Variants in SHANK1 observed in about 807,000 individuals in gnomAD.
The protein encoded by SHANK1 is SH3 and multiple ankyrin repeat domains protein 1.
In SHANK1, 35 loss-of-function variants were observed where a neutral mutation model predicts 165.6. That is an observed-to-expected ratio of 0.21 (90% confidence interval 0.16 to 0.28). The LOEUF is 0.28. Ranked by LOEUF, SHANK1 falls within the 10% of genes least tolerant of loss-of-function variation. The pLI is 1.00. For missense variants in SHANK1, 2,681 were observed against 3,036.4 expected, an observed-to-expected ratio of 0.88 and a Z score of 2.75; for synonymous variants, 1,428 against 1,384.8, an observed-to-expected ratio of 1.03 and a Z score of -0.69.
At chr19:50,707,891 CTTTTCTTTTCTTTTCTTT>C (rs1253918675) in intron 8 of SHANK1, among the ~76,000 whole-genome samples, 1 of 5,688 alleles carries the variant, frequency 1.8e-4, no homozygotes, top group Non-Finnish European at 3.3e-4. Flanking sequence ...CTTTTCTTTT[CTTTTCTTTTCTTTTCTTT>C]TCTTTTCTTT....
At position 50,667,565 on chromosome 19, in the gene SHANK1, C is replaced by T; in HGVS notation, c.4395G>A (p.Glu1465=). Residue 1465 remains glutamate, a synonymous_variant, in exon 23 of 24, where the codon GAG becomes GAA. Transcript: ENST00000293441. The surrounding 1 kb of genome is among the most constrained non-coding windows in gnomAD (Gnocchi z 5.7). ...TTACTCCGGGGTGCGGGGCCGGGGG[C>T]TCCGTCCCCAGCTGCAGCAGGAGGG... ...VGPLLLQLGT[E]PPAPHPGVSK... is the part of the protein sequence containing the mutation. 1 of 1,455,524 alleles carries T rather than the reference C, an allele frequency of 6.9e-7. No homozygotes were observed. Among genetic ancestry groups the T allele is most frequent in the Non-Finnish European group, 9.0e-7 (1 of 1,115,862 alleles). The allele number at this position is 1,455,524 out of a possible 1,614,324, so 90.2% of individuals were successfully genotyped here.
chr19:50,668,804 G>A lies in SHANK1; in HGVS notation c.3156C>T (p.Gly1052=). The change falls in exon 23 of 24, where the codon GGC becomes GGT. Residue 1052 remains glycine (G), a synonymous_variant. Coordinates refer to ENST00000293441, the MANE Select transcript of SHANK1 (RefSeq NM_016148.5). ...GPQPSLRGWR[G]GGPSPTPGAP... is the part of the protein sequence containing the mutation. ...CCCCCGGGGTCGGGCTGGGCCCGCCGCCCCTCCAGCCTCGCAGGCTGGGCT... is the reference window on the plus strand; with the variant it reads ...CCCCCGGGGTCGGGCTGGGCCCGCCACCCCTCCAGCCTCGCAGGCTGGGCT... 2 of 1,267,618 alleles carry A rather than the reference G, an allele frequency of 1.6e-6. No homozygotes were observed. Among genetic ancestry groups the A allele is most frequent in the Non-Finnish European group, 2.0e-6 (2 of 1,012,106 alleles). The allele number at this position is 1,267,618 out of a possible 1,614,324, so 78.5% of individuals were successfully genotyped here.
Position 50,668,693 on chromosome 19 carries a change from CG to C in SHANK1, c.3266del (p.Pro1089ArgfsTer254), listed in dbSNP as rs1401996113. ...CGTACATGGCTGCGCTGGCCGCCCGCGGGGGCAGCTGGAAATAGCGTAGAGC... is the reference window on the plus strand; with the variant it reads ...CGTACATGGCTGCGCTGGCCGCCCGCGGGGCAGCTGGAAATAGCGTAGAGC... Reference protein sequence around the residue: ...GPALRYFQLPPRAASAAMYVP... With the variant: ...GPALRYFQLPXRAASAAMYVP... On this transcript the variant is annotated frameshift_variant, in exon 23 of 24. Coordinates refer to ENST00000293441, the MANE Select transcript of SHANK1 (RefSeq NM_016148.5). LOFTEE classifies it high-confidence loss of function. 6.1e-6 allele frequency: 8 copies of C among 1,302,332 alleles called. No individual in the cohort carries two copies. Among genetic ancestry groups the C allele is most frequent in the South Asian group, 4.7e-5 (2 of 42,142 alleles). The allele number at this position is 1,302,332 out of a possible 1,614,324, so 80.7% of individuals were successfully genotyped here.
intron 21 of SHANK1, among the ~76,000 whole-genome samples, chr19:50,677,368 C>T (rs1986015893): frequency 6.6e-6 from 1 of 152,090 alleles, no homozygotes; most frequent in African/African-American, 2.4e-5. Context: ...CCTCAGGTGA[C>T]CCACCCACCT....
Position 50,716,741 on chromosome 19 carries a change from C to T in SHANK1, c.179G>A (p.Arg60His), listed in dbSNP as rs376765376. The T allele has an allele frequency of 4.7e-5, 76 of 1,608,290 alleles. No individual in the cohort carries two copies. Among genetic ancestry groups the T allele is most frequent in the Admixed American group, 1.7e-4 (10 of 58,674 alleles). Residue 60 changes from arginine (R) to histidine (H), a missense_variant, in exon 2 of 24, where the codon CGC becomes CAC. Arg to His is a conservative substitution (Grantham distance 29, BLOSUM62 0). Around this residue, in one of 10 missense-constraint regions of SHANK1, gnomAD observed 118 missense variants for 106.9 expected, o/e 1.10. Transcript: ENST00000293441. The surrounding 1 kb of genome is among the most constrained non-coding windows in gnomAD (Gnocchi z 8.4). ...SLASVRGLQG[R>H]SMSVPDDAHF... ...GGCGTCGTCTGGGACGGACATTGAGCGGCCCTGGAGGCCTCTAACAGAGGC... is the reference window on the plus strand; with the variant it reads ...GGCGTCGTCTGGGACGGACATTGAGTGGCCCTGGAGGCCTCTAACAGAGGC...
In SHANK1 at chr19:50,686,329, C is replaced by A; in HGVS notation, c.2485G>T (p.Ala829Ser). The A allele has an allele frequency of 1.2e-6, 2 of 1,603,562 alleles. No homozygotes were observed. The highest frequency in any genetic ancestry group is 1.7e-6 in the Non-Finnish European group (2 of 1,174,622). ...LNKLDEILAA[A>S]QQTISASESP... ...TCGCTTGCACTGATGGTCTGTTGAG[C>A]TGCGGCCAGGATTTCGTCCAGTTTG... is the stretch of plus-strand genomic sequence containing the variant. Residue 829 changes from alanine (A) to serine (S), a missense_variant, in exon 21 of 24, where the codon GCT becomes TCT. Coordinates refer to ENST00000293441, the MANE Select transcript of SHANK1 (RefSeq NM_016148.5). The surrounding 1 kb of genome is among the most constrained non-coding windows in gnomAD (Gnocchi z 5.7).
chr19:50,661,113 G>T lies in SHANK1; in HGVS notation c.*852C>A, dbSNP rs1228453396. ...GTGCAAGGGCTGAGCAAAGAGCAGG[G>T]CACTCCAGAGAATGAATGATGTGCA... On this transcript the variant is annotated 3_prime_UTR_variant, in exon 24 of 24. Coordinates refer to ENST00000293441, the MANE Select transcript of SHANK1 (RefSeq NM_016148.5). Among the ~76,000 whole-genome samples the T allele has an allele frequency of 5.9e-5, 9 of 152,102 alleles. No individual in the cohort carries two copies.
chr19:50,668,493 G>T lies in SHANK1; in HGVS notation c.3467C>A (p.Pro1156His). The T allele has an allele frequency of 7.4e-7, 1 of 1,346,408 alleles. No individual in the cohort carries two copies. Among genetic ancestry groups the T allele is most frequent in the Non-Finnish European group, 9.5e-7 (1 of 1,048,534 alleles). 83.4% of individuals were successfully genotyped at this position (1,346,408 alleles called of 1,614,324 possible). ...GGACGGGGCCTTGATGATGATGGTG[G>T]GGATGGGGATGGAGTTCTTCTCCGA... Reference protein sequence around the residue: ...APSEKNSIPIPTIIIKAPSTS... With the variant: ...APSEKNSIPIHTIIIKAPSTS... Residue 1156 changes from proline to histidine, a missense_variant, in exon 23 of 24, where the codon CCC (proline) becomes CAC (histidine). Pro to His is a moderately conservative substitution (Grantham distance 77). Around this residue, in one of 10 missense-constraint regions of SHANK1, gnomAD observed 1,713 missense variants for 1,630.2 expected, o/e 1.05. Coordinates refer to ENST00000293441, the MANE Select transcript of SHANK1 (RefSeq NM_016148.5).
chr19:50,668,940 TGGTGGTGGTGGTGGTGGGGCG>T lies in SHANK1; in HGVS notation c.2999_3019del (p.Pro1000_His1006del), dbSNP rs1390865218. The T allele has an allele frequency of 2.1e-5, 2 of 96,640 alleles. No individual in the cohort carries two copies. Among genetic ancestry groups the T allele is most frequent in the Non-Finnish European group, 3.5e-5 (2 of 57,404 alleles). 6.0% of individuals were successfully genotyped at this position (96,640 alleles called of 1,614,324 possible). A position where few individuals can be genotyped will look rare whatever the true frequency, so the allele number is the denominator to read the frequency against. ...GTGGTGGGGCTGAGGGGGCGGGGCGTGGTGGTGGTGGTGGTGGGGCGGGTGGTGGTGGGCCGGGGGCAGGGG... is the reference window on the plus strand; with the variant it reads ...GTGGTGGGGCTGAGGGGGCGGGGCGTGGTGGTGGTGGGCCGGGGGCAGGGG... On this transcript the variant is annotated inframe_deletion, in exon 23 of 24. Transcript: ENST00000293441.
rs116418688 is a variant in SHANK1 at position 50,704,330 on chromosome 19, G to A, written c.1155+107C>T. On this transcript the variant is annotated intron_variant, in intron 9 of 23. Transcript: ENST00000293441. ...TGTCTTCTTCCAGCTCCCCCTCCAC[G>A]GCCTGTCTCCTTGCTTTCCTCATTG... 7.1e-4 allele frequency: 946 copies of A among 1,323,990 alleles called. 5 individuals carry two copies. The African/African-American group carries it at 0.01, about 14-fold the overall frequency. 82.0% of individuals were successfully genotyped at this position (1,323,990 alleles called of 1,614,324 possible).
At chr19:50,704,409 C>A (rs775668354) in intron 9 of SHANK1, 28 bp downstream of exon 9, 1 of 1,608,802 alleles carries the variant, frequency 6.2e-7, no homozygotes, top group South Asian at 1.1e-5. Flanking sequence ...GCCCTGGAAA[C>A]TCCAGCACAT....
intron 5 of SHANK1, 41 bp downstream of exon 5, chr19:50,714,141 G>T: frequency 6.3e-7 from 1 of 1,588,518 alleles, no homozygotes; most frequent in Non-Finnish European, 8.6e-7. Flanking sequence ...CCCCAGCTCT[G>T]TCCTGGCCCT....
At chr19:50,674,143 G>A (rs1985899575) in intron 21 of SHANK1, among the ~76,000 whole-genome samples, 1 of 151,500 alleles carries the variant, frequency 6.6e-6, no homozygotes, top group Non-Finnish European at 1.5e-5. Flanking sequence ...AAGGTTCATG[G>A]AAGTCATTAT....
chr19:50,687,867 C>T, intron 18 of SHANK1, 56 bp downstream of exon 18: 2 of 1,608,292 alleles, frequency 1.2e-6, no homozygotes. Flanking sequence ...CCTGGGGCTC[C>T]CGCAGGGCTG....
At chr19:50,683,919 A>C (rs1360638170) in intron 21 of SHANK1, among the ~76,000 whole-genome samples, 1 of 152,246 alleles carries the variant, frequency 6.6e-6, no homozygotes, top group East Asian at 1.9e-4. Context: ...TATGACGGAC[A>C]GGAAGAGGTC....
chr19:50,686,404 T>A lies in SHANK1; in HGVS notation c.2459-49A>T. 7.3e-7 allele frequency: 1 copy of A among 1,366,824 alleles called. No individual in the cohort carries two copies. Among genetic ancestry groups the A allele is most frequent in the Non-Finnish European group, 1.0e-6 (1 of 987,290 alleles). The allele number at this position is 1,366,824 out of a possible 1,614,324, so 84.7% of individuals were successfully genotyped here. ...GGTGGGAAGACAATGAAATGAAGTT[T>A]GCTTTGACCCGGGCCGCAAAGACCA... On this transcript the variant is annotated intron_variant, in intron 20 of 23. Transcript: ENST00000293441. This position sits in a 1 kb window ranked among gnomAD's most constrained non-coding sequence, Gnocchi z 5.7.
intron 21 of SHANK1, among the ~76,000 whole-genome samples, chr19:50,679,402 A>G (rs1298680175): frequency 6.6e-6 from 1 of 152,038 alleles, no homozygotes; most frequent in Admixed American, 6.5e-5. Flanking sequence ...TTGACATAAG[A>G]AGGGTCAGGG....
chr19:50,689,813 C>G (rs1232059604), intron 15 of SHANK1, among the ~76,000 whole-genome samples: 2 of 152,158 alleles, frequency 1.3e-5, no homozygotes, highest in Non-Finnish European at 2.9e-5. Context: ...GTCCTTAGGT[C>G]AGAGTGTTAA....
At chr19:50,678,045 A>G (rs930103137) in intron 21 of SHANK1, among the ~76,000 whole-genome samples, 6 of 152,180 alleles carry the variant, frequency 3.9e-5, no homozygotes, top group African/African-American at 1.4e-4. Flanking sequence ...TGTGTGAGCC[A>G]TTTTACCTGC....
Sources: gnomAD v4.1 joint callset for allele counts (sites outside exome capture counted in the v4.1 genomes callset) on GRCh38, gnomAD v4.1.1 for gene constraint, gnomAD v4.1.1 regional missense constraint, Gnocchi (gnomAD v3.1) non-coding constraint, MANE v1.5 for transcripts, NCBI Gene and HGNC (gene_info 2026-07-23, HGNC 2026-07-21) for gene names.